The following RARB variants were observed in gnomAD, a reference collection of about 807,000 sequenced individuals.
RARB encodes retinoic acid receptor beta.
A neutral mutation model predicts 51.9 loss-of-function variants in RARB; 17 were observed. The observed-to-expected ratio is 0.33, with a 90% CI of 0.22 to 0.49. The LOEUF (loss-of-function observed/expected upper bound fraction) is 0.49. Among genes scored for constraint, RARB ranks in the 20% least tolerant of loss-of-function variants. The pLI, the probability that RARB is intolerant of heterozygous loss-of-function variation, is 0.99. For missense variants in RARB, 369 were observed against 550.8 expected (o/e 0.67, Z 3.30); for synonymous variants, 215 against 195.4 (o/e 1.10, Z -0.84).
intron 3 of RARB, among the ~76,000 whole-genome samples, chr3:25,117,010 A>G (rs891201392): frequency 1.4e-4 from 21 of 152,182 alleles, no homozygotes; most frequent in African/African-American, 4.8e-4. Context: ...TTGTGGGTCC[A>G]CTAAAGATAG....
At chr3:24,991,478 A>C (rs1281469152) in intron 2 of RARB, among the ~76,000 whole-genome samples, 1 of 150,120 alleles carries the variant, frequency 6.7e-6, no homozygotes, top group Non-Finnish European at 1.5e-5. Context: ...AAAAGAAAAA[A>C]ATTAGCATTT....
chr3:25,588,557 T>G (rs567691147), intron 5 of RARB, among the ~76,000 whole-genome samples: 16 of 152,298 alleles, frequency 1.1e-4, no homozygotes, highest in African/African-American at 3.8e-4. Flanking sequence ...GCTTAAAACA[T>G]AAGCATTATT....
chr3:25,492,426 C>T (rs1338922175), intron 2 of RARB, among the ~76,000 whole-genome samples: 1 of 152,196 alleles, frequency 6.6e-6, no homozygotes, highest in Admixed American at 6.5e-5. Context: ...AATACATTGG[C>T]TTCACGCCCT....
intron 5 of RARB, among the ~76,000 whole-genome samples, chr3:25,404,519 C>T (rs1472678184): frequency 6.6e-6 from 1 of 151,972 alleles, no homozygotes; most frequent in African/African-American, 2.4e-5. Context: ...AATAATTGAC[C>T]CAGGGTAGAG....
At chr3:25,322,069 G>A (rs751345050) in intron 5 of RARB, among the ~76,000 whole-genome samples, 3 of 152,244 alleles carry the variant, frequency 2.0e-5, no homozygotes, top group Non-Finnish European at 2.9e-5. Flanking sequence ...ATAAGCAACA[G>A]CAATCAAAAC....
chr3:25,323,231 G>C (rs553410208), intron 5 of RARB, among the ~76,000 whole-genome samples: 2 of 152,292 alleles, frequency 1.3e-5, no homozygotes, highest in Non-Finnish European at 2.9e-5. Context: ...ACCACATTCT[G>C]CTGGTCAAAG....
chr3:25,323,128 GGGCTCAAGGCAAAAACATGGA>G (rs375235570), intron 5 of RARB, among the ~76,000 whole-genome samples: 11,618 of 152,118 alleles, frequency 0.076, 634 homozygotes, highest in Middle Eastern at 0.14. Context: ...AGAATACCCG[GGGCTCAAGGCAAAAACATGGA>G]GGCTCAAGGC....
In RARB at chr3:25,588,224, CAG is replaced by C. The variant is rs1167826439; in HGVS notation, c.787-5275_787-5274del. 2.9e-4 allele frequency among the ~76,000 whole-genome samples: 44 copies of C among 152,168 alleles called. 1 individual carries two copies. Among genetic ancestry groups the C allele is most frequent in the African/African-American group, 9.9e-4 (41 of 41,430 alleles). ...TGTACACTCATATGGGTGAATCACA[CAG>C]AGAATATTGAGTGAATAAAAGCGGA... is the stretch of plus-strand genomic sequence containing the variant. On this transcript the variant is annotated intron_variant, in intron 5 of 7. Transcript: ENST00000330688.
chr3:25,031,800 T>A (rs1697881806), intron 2 of RARB, among the ~76,000 whole-genome samples: 1 of 152,222 alleles, frequency 6.6e-6, no homozygotes, highest in Non-Finnish European at 1.5e-5. Context: ...TAATTCCATA[T>A]CTTCATATAC....
chr3:24,921,708 C>A (rs989582485), intron 2 of RARB, among the ~76,000 whole-genome samples: 102 of 152,310 alleles, frequency 6.7e-4, no homozygotes, highest in African/African-American at 2.4e-3. Context: ...CACTAGTCCT[C>A]ATCTTAAGCA....
intron 5 of RARB, among the ~76,000 whole-genome samples, chr3:25,338,757 G>C (rs1001953487): frequency 2.6e-5 from 4 of 152,156 alleles, no homozygotes; most frequent in Admixed American, 6.5e-5. Flanking sequence ...ACATTCATCA[G>C]TTTGCACTAA....
chr3:25,085,984 G>A (rs949141022), intron 3 of RARB, among the ~76,000 whole-genome samples: 1 of 152,120 alleles, frequency 6.6e-6, no homozygotes, highest in Non-Finnish European at 1.5e-5. Flanking sequence ...TCTCCTCCAC[G>A]TAACAATGCA....
intron 4 of RARB, among the ~76,000 whole-genome samples, chr3:25,165,082 T>A: frequency 6.6e-6 from 1 of 152,182 alleles, no homozygotes; most frequent in East Asian, 1.9e-4. Flanking sequence ...AGAGATAATT[T>A]GGGAGTTTTT....
intron 3 of RARB, among the ~76,000 whole-genome samples, chr3:25,130,008 G>A (rs1030230697): frequency 2.0e-5 from 3 of 152,050 alleles, no homozygotes; most frequent in Admixed American, 6.6e-5. Flanking sequence ...TCAGCGTGGA[G>A]TATCTTTAGG....
At chr3:25,209,371 C>T (rs1002312633) in intron 5 of RARB, among the ~76,000 whole-genome samples, 1 of 152,204 alleles carries the variant, frequency 6.6e-6, no homozygotes, top group Admixed American at 6.5e-5. Context: ...GTTGAAGACA[C>T]TACAGAGTTT....
At chr3:24,866,771 T>A (rs879703866) in intron 2 of RARB, among the ~76,000 whole-genome samples, 2 of 152,122 alleles carry the variant, frequency 1.3e-5, no homozygotes, top group African/African-American at 4.8e-5. Context: ...ATCAGGAGAA[T>A]TGAAATAAAG....
chr3:25,249,855 G>A (rs188382150), intron 5 of RARB, among the ~76,000 whole-genome samples: 13 of 152,338 alleles, frequency 8.5e-5, no homozygotes, highest in Non-Finnish European at 1.9e-4. Context: ...GCAGCAGCAG[G>A]CTGTGTGTTC....
intron 2 of RARB, among the ~76,000 whole-genome samples, chr3:24,893,486 G>T (rs918792464): frequency 6.6e-6 from 1 of 152,050 alleles, no homozygotes; most frequent in Non-Finnish European, 1.5e-5. Flanking sequence ...AACAGCTCAC[G>T]CTGATGACAT....
At position 24,884,506 on chromosome 3, in the gene RARB, G is replaced by T. The variant is rs76767914; in HGVS notation, c.-380+25754G>T. ...CATAGCACAGATTTTTTTCCCCAAG[G>T]ATTATCTCTAGAGATAAAATAGCAG... is the stretch of plus-strand genomic sequence containing the variant. On this transcript the variant is annotated intron_variant, in intron 2 of 11. Transcript: ENST00000383772. Among the ~76,000 whole-genome samples the T allele has an allele frequency of 3.9e-5, 6 of 152,150 alleles. No homozygotes were observed. In the South Asian group the frequency reaches 1.2e-3, roughly 32 times the overall value.
Sources: allele counts gnomAD v4.1 joint callset (sites outside exome capture counted in the v4.1 genomes callset), GRCh38; gene constraint gnomAD v4.1.1; transcripts MANE v1.5; gene names NCBI Gene and HGNC (gene_info 2026-07-23, HGNC 2026-07-21).